Variants in AGTPBP1 observed in about 807,000 individuals in gnomAD.
AGTPBP1 encodes cytosolic carboxypeptidase 1.
AGTPBP1 carries 70 observed loss-of-function variants against 143.9 expected under a neutral mutation model. The ratio of observed to expected loss-of-function variants is 0.49; its 90% CI spans 0.40 to 0.59. AGTPBP1 has a LOEUF of 0.59. Ranked by LOEUF, AGTPBP1 falls within the 20% of genes least tolerant of loss-of-function variation. The pLI is 0.00. For missense variants in AGTPBP1, 1,229 were observed against 1,464.5 expected, an observed-to-expected ratio of 0.84 and a Z score of 2.62; for synonymous variants, 463 against 500.2, an observed-to-expected ratio of 0.93 and a Z score of 0.99.
intron 23 of AGTPBP1, among the ~76,000 whole-genome samples, chr9:85,580,841 T>C (rs1828211423): frequency 6.6e-6 from 1 of 152,202 alleles, no homozygotes; most frequent in African/African-American, 2.4e-5. Context: ...TGAGACAGAT[T>C]CAGACATGAT....
At chr9:85,580,403 T>G (rs187456201) in intron 23 of AGTPBP1, among the ~76,000 whole-genome samples, 288 of 152,154 alleles carry the variant, frequency 1.9e-3, no homozygotes, top group Non-Finnish European at 2.5e-3. Flanking sequence ...AAAGTTTTTT[T>G]TTTGTTTGTT....
chr9:85,706,478 C>G (rs1837005375), intron 2 of AGTPBP1, among the ~76,000 whole-genome samples: 1 of 150,080 alleles, frequency 6.7e-6, no homozygotes, highest in Non-Finnish European at 1.5e-5. Flanking sequence ...CCACTGCACT[C>G]CAGCCTGGGC....
chr9:85,636,464 T>C lies in AGTPBP1; in HGVS notation c.1303-3090A>G, dbSNP rs1209212723. ...TTTTAGTAGAGACGGGGTTTCATCATATTGGCCATGGTCTCGATCTCCTGA... is the reference window on the plus strand; with the variant it reads ...TTTTAGTAGAGACGGGGTTTCATCACATTGGCCATGGTCTCGATCTCCTGA... On this transcript the variant is annotated intron_variant, in intron 13 of 25. Coordinates refer to ENST00000357081, the MANE Select transcript of AGTPBP1 (RefSeq NM_001330701.2). Among the ~76,000 whole-genome samples the C allele has an allele frequency of 2.6e-5, 4 of 152,046 alleles. No homozygotes were observed. The East Asian group carries it at 7.7e-4, about 29-fold the overall frequency.
intron 19 of AGTPBP1, among the ~76,000 whole-genome samples, chr9:85,591,680 T>G (rs1252688464): frequency 2.6e-5 from 4 of 152,174 alleles, no homozygotes; most frequent in South Asian, 2.1e-4. Flanking sequence ...TTGTAACCTT[T>G]CTTAAAGTAC....
intron 1 of AGTPBP1, among the ~76,000 whole-genome samples, chr9:85,727,827 G>A (rs1838603649): frequency 6.6e-6 from 1 of 151,464 alleles, no homozygotes; most frequent in South Asian, 2.1e-4. Flanking sequence ...GACCAGCCTG[G>A]GTAACATAGT....
At chr9:85,762,335 G>A in the AGTPBP1 span, among the ~76,000 whole-genome samples, 42 of 151,144 alleles carry the variant, frequency 2.8e-4, no homozygotes, top group African/African-American at 8.3e-4. Flanking sequence ...TGTTTATTGC[G>A]GCACTATTCA....
chr9:85,739,983 G>A (rs1269238351), intron 1 of AGTPBP1, among the ~76,000 whole-genome samples: 2 of 149,154 alleles, frequency 1.3e-5, no homozygotes, highest in Non-Finnish European at 3.0e-5. Context: ...TAGCCTGGGC[G>A]AGAGAGTGAG....
In AGTPBP1 at chr9:85,642,879, T is replaced by C. The variant is rs1832578601; in HGVS notation, c.1250A>G (p.Glu417Gly). 6.2e-7 allele frequency: 1 copy of C among 1,613,476 alleles called. No homozygotes were observed. The highest frequency in any genetic ancestry group is 1.7e-5 in the Admixed American group (1 of 59,944). The change falls in exon 13 of 26, where the codon GAA becomes GGA. Residue 417 changes from glutamate to glycine, a missense_variant. Physicochemically the swap from Glu to Gly is moderately conservative, Grantham distance 98. This residue lies in a region of AGTPBP1 where 743 missense variants were observed against 812.2 expected (regional missense o/e 0.91). Transcript: ENST00000357081. The part of the protein sequence containing the change: ...KPQQEPGRTI[E>G]DLKMYEHLFP... ...AAGGTGTTCATACATTTTTAGATCT[T>C]CTATTGTTCGTCCCGGTTCTTGCTG...
chr9:85,607,348 T>C lies in AGTPBP1; in HGVS notation c.2336-10899A>G, dbSNP rs530959668. The stretch of plus-strand genomic sequence containing the variant: ...TCTCATATCACATTTAAAACAATCA[T>C]ATTAAATGCTGGTCACAGTGAAGTT... On this transcript the variant is annotated intron_variant, in intron 17 of 25. Coordinates refer to ENST00000357081, the MANE Select transcript of AGTPBP1 (RefSeq NM_001330701.2). 9.2e-5 allele frequency among the ~76,000 whole-genome samples: 14 copies of C among 152,194 alleles called. No individual in the cohort carries two copies. The South Asian group carries it at 2.9e-3, about 32-fold the overall frequency.
chr9:85,689,058 G>A (rs1195744837), intron 3 of AGTPBP1, among the ~76,000 whole-genome samples: 1 of 152,086 alleles, frequency 6.6e-6, no homozygotes, highest in Non-Finnish European at 1.5e-5. Flanking sequence ...ATGAACTAAA[G>A]AAACTTGCTG....
the AGTPBP1 span, among the ~76,000 whole-genome samples, chr9:85,749,763 A>C: frequency 6.6e-6 from 1 of 152,194 alleles, no homozygotes; most frequent in African/African-American, 2.4e-5. Flanking sequence ...TAGATATAAA[A>C]AGCCTAGCAC....
intron 24 of AGTPBP1, among the ~76,000 whole-genome samples, chr9:85,576,299 C>G (rs1827897994): frequency 6.6e-6 from 1 of 152,044 alleles, no homozygotes. Flanking sequence ...CAGCTGATAT[C>G]AATTCAAGAG....
At chr9:85,618,024 G>A (rs1017873025) in intron 17 of AGTPBP1, among the ~76,000 whole-genome samples, 1 of 152,154 alleles carries the variant, frequency 6.6e-6, no homozygotes, top group South Asian at 2.1e-4. Flanking sequence ...CAGATCACTC[G>A]AGGTCAGGAG....
chr9:85,645,799 A>C (rs1330221588), intron 12 of AGTPBP1, among the ~76,000 whole-genome samples: 1 of 152,162 alleles, frequency 6.6e-6, no homozygotes, highest in Non-Finnish European at 1.5e-5. Flanking sequence ...AACTCCGAAA[A>C]CTTACTTGCC....
intron 1 of AGTPBP1, among the ~76,000 whole-genome samples, chr9:85,736,129 T>G (rs536097209): frequency 6.6e-6 from 1 of 152,332 alleles, no homozygotes; most frequent in African/African-American, 2.4e-5. Context: ...AATGTTAAAT[T>G]TGAACATTTA....
At chr9:85,792,891 C>T in the AGTPBP1 span, among the ~76,000 whole-genome samples, 4 of 152,166 alleles carry the variant, frequency 2.6e-5, no homozygotes, top group Admixed American at 2.6e-4. Flanking sequence ...AACTGTTTGG[C>T]ACACATGGTT....
the AGTPBP1 span, among the ~76,000 whole-genome samples, chr9:85,802,041 T>C: frequency 3.6e-3 from 552 of 151,972 alleles, 5 homozygotes; most frequent in African/African-American, 1.0e-2. Context: ...CAAAGGATCT[T>C]GTACCCTCTG....
At chr9:85,672,527 C>T (rs1834549943) in intron 7 of AGTPBP1, 23 bp downstream of exon 7, 3 of 1,602,914 alleles carry the variant, frequency 1.9e-6, no homozygotes, top group Non-Finnish European at 2.6e-6. Context: ...ACTGAGTTAA[C>T]TAAAAGCCAC....
chr9:85,713,185 T>C (rs1427638251), intron 1 of AGTPBP1, among the ~76,000 whole-genome samples: 2 of 152,230 alleles, frequency 1.3e-5, no homozygotes, highest in Non-Finnish European at 2.9e-5. Context: ...ATGCTTACTG[T>C]AGCAGAATTT....
Sources: allele counts gnomAD v4.1 joint callset (sites outside exome capture counted in the v4.1 genomes callset), GRCh38; gene constraint gnomAD v4.1.1; regional missense constraint gnomAD v4.1.1; transcripts MANE v1.5; gene names NCBI Gene and HGNC (gene_info 2026-07-23, HGNC 2026-07-21).